Variants in FAM20C observed in about 807,000 individuals in gnomAD.
FAM20C encodes FAM20C golgi associated secretory pathway kinase.
FAM20C carries 40 observed loss-of-function variants against 51.5 expected under a neutral mutation model. The observed-to-expected ratio is 0.78, with a 90% CI of 0.60 to 1.01. FAM20C has a LOEUF of 1.01. FAM20C is among the 50% of genes least tolerant of loss of function. FAM20C has a pLI of 0.00. For synonymous variants in FAM20C, 406 were observed against 380.6 expected, an observed-to-expected ratio of 1.07 and a Z score of -0.78; for missense variants, 861 against 844.7, an observed-to-expected ratio of 1.02 and a Z score of -0.24.
intron 3 of FAM20C, chr7:228,963 C>T (rs1053575186): frequency 2.8e-5 from 11 of 392,552 alleles, no homozygotes; most frequent in South Asian, 2.0e-4. Flanking sequence ...GGATGGGGAT[C>T]ACAGCCAGGG....
At chr7:211,924 C>T (rs1786738691) in intron 3 of FAM20C, among the ~76,000 whole-genome samples, 1 of 149,110 alleles carries the variant, frequency 6.7e-6, no homozygotes, top group African/African-American at 2.5e-5. Context: ...GCTCGGTCCT[C>T]TCACCGCCGC....
At chr7:194,478 A>AT (rs1785752281) in intron 1 of FAM20C, among the ~76,000 whole-genome samples, 1 of 149,308 alleles carries the variant, frequency 6.7e-6, no homozygotes, top group Admixed American at 6.7e-5. Context: ...GCAGTGGAAC[A>AT]TTAACCACGA....
Position 193,453 on chromosome 7 carries a change from A to G in FAM20C, c.254A>G (p.Lys85Arg). The change falls in exon 1 of 10, where the codon AAG (lysine) becomes AGG (arginine). Residue 85 changes from lysine to arginine, a missense_variant. Coordinates refer to ENST00000313766, the MANE Select transcript of FAM20C (RefSeq NM_020223.4). The part of the protein sequence containing the change: ...SAAGDAGWPN[K>R]HTLRILQDFS... ...GCCGGCGACGCGGGCTGGCCCAACA[A>G]GCACACGCTCCGCATCCTGCAGGAC... 2 of 1,463,490 alleles carry G rather than the reference A, an allele frequency of 1.4e-6. No homozygotes were observed. Among genetic ancestry groups the G allele is most frequent in the Non-Finnish European group, 9.1e-7 (1 of 1,100,524 alleles). The allele number at this position is 1,463,490 out of a possible 1,614,324, so 90.7% of individuals were successfully genotyped here.
intron 2 of FAM20C, among the ~76,000 whole-genome samples, chr7:208,262 T>A (rs1786532436): frequency 6.6e-6 from 1 of 151,784 alleles, no homozygotes; most frequent in Non-Finnish European, 1.5e-5. Flanking sequence ...AGTGGGTGTT[T>A]GAGGTGTTGC....
intron 3 of FAM20C, among the ~76,000 whole-genome samples, chr7:213,738 T>C (rs533284342): frequency 6.6e-6 from 1 of 152,310 alleles, no homozygotes; most frequent in African/African-American, 2.4e-5. Context: ...AGGAACTGAC[T>C]GTCCGTTTTC....
At chr7:244,498 G>A (rs902607765) in intron 3 of FAM20C, among the ~76,000 whole-genome samples, 2 of 152,212 alleles carry the variant, frequency 1.3e-5, no homozygotes, top group African/African-American at 4.8e-5. Flanking sequence ...GATTCCACAA[G>A]GTCTAGATTC....
chr7:214,289 C>A (rs1431582129), intron 3 of FAM20C, among the ~76,000 whole-genome samples: 1 of 151,938 alleles, frequency 6.6e-6, no homozygotes, highest in Non-Finnish European at 1.5e-5. Context: ...CACGCCACCG[C>A]ACTCCAGCCT....
At chr7:220,974 C>G (rs28750091) in intron 3 of FAM20C, among the ~76,000 whole-genome samples, 4 of 112,360 alleles carry the variant, frequency 3.6e-5, no homozygotes, top group South Asian at 3.5e-4. Flanking sequence ...GGGCACAGGG[C>G]GGAGGCTCGT....
intron 3 of FAM20C, among the ~76,000 whole-genome samples, chr7:220,937 G>C (rs1289139181): frequency 6.6e-6 from 1 of 151,202 alleles, no homozygotes; most frequent in African/African-American, 2.4e-5. Flanking sequence ...GCAGGGCAGG[G>C]GGCTGCAGGA....
At chr7:219,423 AGGACAGCAATGGCCAGCCCG>A (rs1182038761) in intron 3 of FAM20C, among the ~76,000 whole-genome samples, 2 of 140,392 alleles carry the variant, frequency 1.4e-5, no homozygotes, top group South Asian at 2.3e-4. Flanking sequence ...CGCCCAGCCC[AGGACAGCAATGGCCAGCCCG>A]GGACAGCAAC....
chr7:204,604 G>C (rs1377871613), intron 2 of FAM20C, among the ~76,000 whole-genome samples: 1 of 152,270 alleles, frequency 6.6e-6, no homozygotes, highest in African/African-American at 2.4e-5. Flanking sequence ...GCTGTGGAGA[G>C]CCCCCACACT....
rs886637288 is a variant in FAM20C at position 260,046 on chromosome 7, C to T, written c.*66C>T. 26 of 1,436,626 alleles carry T rather than the reference C, an allele frequency of 1.8e-5. No individual in the cohort carries two copies. The Middle Eastern group carries it at 7.3e-4, about 40-fold the overall frequency. The allele number at this position is 1,436,626 out of a possible 1,614,324, so 89.0% of individuals were successfully genotyped here. On this transcript the variant is annotated 3_prime_UTR_variant, in exon 10 of 10. Transcript: ENST00000313766. The stretch of plus-strand genomic sequence containing the variant: ...CGCCGGACCTCCCAGCAAGCGCATG[C>T]GCCCGTCGTGAATTCAGTGAATTCA...
rs140617624 is a variant in FAM20C, at chr7:213,273, G to T, written c.863+4297G>T. ...GTGCAGTGTGTAGTTCTTTGTGAGTGACATGGAGGGCTCTGGAATCCTGCA... is the reference window on the plus strand; with the variant it reads ...GTGCAGTGTGTAGTTCTTTGTGAGTTACATGGAGGGCTCTGGAATCCTGCA... On this transcript the variant is annotated intron_variant, in intron 3 of 9. Transcript: ENST00000313766. 1.3e-5 allele frequency among the ~76,000 whole-genome samples: 2 copies of T among 151,900 alleles called. 1 individual carries two copies. Among genetic ancestry groups the T allele is most frequent in the Admixed American group, 1.3e-4 (2 of 15,244 alleles).
chr7:259,184 G>A (rs138457545), intron 9 of FAM20C, among the ~76,000 whole-genome samples: 202 of 152,232 alleles, frequency 1.3e-3, no homozygotes, highest in Admixed American at 3.4e-3. Flanking sequence ...AGCTGGGGTC[G>A]GTCTCCTGGG....
Position 209,004 on chromosome 7 carries a change from C to T in FAM20C, c.863+28C>T, listed in dbSNP as rs763483537. 1.5e-5 allele frequency: 23 copies of T among 1,562,130 alleles called. No individual in the cohort carries two copies. In the African/African-American group the frequency reaches 2.0e-4, roughly 14 times the overall value. On this transcript the variant is annotated intron_variant, in intron 3 of 9. Transcript: ENST00000313766. Reference sequence around the variant, plus strand: ...AAGTGCCGAGGCCTGTGGGCTGGGGCGTGAGGAGCTGGAGCTGCAGGCGAG... The same window carrying T: ...AAGTGCCGAGGCCTGTGGGCTGGGGTGTGAGGAGCTGGAGCTGCAGGCGAG...
intron 2 of FAM20C, among the ~76,000 whole-genome samples, chr7:200,545 AG>A (rs1786080984): frequency 6.6e-6 from 1 of 152,244 alleles, no homozygotes; most frequent in Non-Finnish European, 1.5e-5. Context: ...CAGAGACAGC[AG>A]CCCCCTAGCT....
chr7:230,151 G>A lies in FAM20C; in HGVS notation c.864-16264G>A, dbSNP rs989774797. Among the ~76,000 whole-genome samples, 18 of 152,148 alleles carry A rather than the reference G, an allele frequency of 1.2e-4. No individual in the cohort carries two copies. The East Asian group carries it at 1.7e-3, about 15-fold the overall frequency. ...GACTTCGAGATGAGGACTTTCCCTG[G>A]GCCCAAAATGCAATCCCCTGTCCTC... On this transcript the variant is annotated intron_variant, in intron 3 of 9. Coordinates refer to ENST00000313766, the MANE Select transcript of FAM20C (RefSeq NM_020223.4).
chr7:231,291 CG>C (rs1787664286), intron 3 of FAM20C, among the ~76,000 whole-genome samples: 3 of 152,096 alleles, frequency 2.0e-5, no homozygotes, highest in Non-Finnish European at 4.4e-5. Context: ...CCGGGGTGGC[CG>C]GGGCGGGAGA....
intron 3 of FAM20C, chr7:228,852 C>T (rs1787547081): frequency 2.2e-6 from 1 of 454,630 alleles, no homozygotes; most frequent in Non-Finnish European, 4.4e-6. Context: ...TGACCTGTAA[C>T]AACTGCATGC....
Sources: allele counts gnomAD v4.1 joint callset (sites outside exome capture counted in the v4.1 genomes callset), GRCh38; gene constraint gnomAD v4.1.1; transcripts MANE v1.5; gene names NCBI Gene and HGNC (gene_info 2026-07-23, HGNC 2026-07-21).